The following PPM1E variants were observed in gnomAD, a reference collection of about 807,000 sequenced individuals.
PPM1E encodes the protein protein phosphatase 1E.
In PPM1E, 20 loss-of-function variants were observed where a neutral mutation model predicts 65.9. The observed-to-expected ratio is 0.30, with a 90% CI of 0.21 to 0.44. The LOEUF (loss-of-function observed/expected upper bound fraction) is 0.44. PPM1E is among the 20% of genes least tolerant of loss of function. The probability of loss-of-function intolerance (pLI) is 1.00; values close to 1 mark genes in which losing one functional copy is unlikely to be tolerated. For missense variants in PPM1E, 713 were observed against 953.1 expected (o/e 0.75, Z 3.32); for synonymous variants, 352 against 374.9 (o/e 0.94, Z 0.70).
intron 1 of PPM1E, among the ~76,000 whole-genome samples, chr17:58,792,486 G>A (rs1426766894): frequency 6.6e-6 from 1 of 150,668 alleles, no homozygotes; most frequent in Non-Finnish European, 1.5e-5. Flanking sequence ...GACTACAGGT[G>A]TGCACCACCA....
intron 1 of PPM1E, among the ~76,000 whole-genome samples, chr17:58,867,563 G>A (rs1045324509): frequency 6.6e-6 from 1 of 152,146 alleles, no homozygotes; most frequent in Non-Finnish European, 1.5e-5. Flanking sequence ...GATCTATCTG[G>A]ATTTTGACTG....
In PPM1E at chr17:58,980,283, C is replaced by T. The variant is rs746727705; in HGVS notation, c.1520C>T (p.Ser507Phe). 3 of 1,614,126 alleles carry T rather than the reference C, an allele frequency of 1.9e-6. No individual in the cohort carries two copies. The highest frequency in any genetic ancestry group is 2.5e-6 in the Non-Finnish European group (3 of 1,180,032). The change falls in exon 7 of 7, where the codon TCT (serine) becomes TTT (phenylalanine). Residue 507 changes from serine (S) to phenylalanine (F), a missense_variant. Physicochemically the swap from Ser to Phe is radical, Grantham distance 155. Transcript: ENST00000308249. This position sits in a 1 kb window ranked among gnomAD's most constrained non-coding sequence, Gnocchi z 4.7. ...GAGGAATCAGATTGGACAGAGAACT[C>T]TTTTCAAGGAGGGCAAGAAGATGGT... is the stretch of plus-strand genomic sequence containing the variant. ...VSEESDWTEN[S>F]FQGGQEDGGD...
intron 1 of PPM1E, among the ~76,000 whole-genome samples, chr17:58,909,890 T>C (rs1453707986): frequency 6.7e-6 from 1 of 149,584 alleles, no homozygotes; most frequent in African/African-American, 2.5e-5. Context: ...TAGTCATTTT[T>C]CTTTCTTTCT....
chr17:58,779,589 G>A (rs2050032026), intron 1 of PPM1E, among the ~76,000 whole-genome samples: 1 of 152,052 alleles, frequency 6.6e-6, no homozygotes. Context: ...AATGTCTCTT[G>A]TATGAATATT....
chr17:58,930,264 C>T (rs1255631912), intron 1 of PPM1E, among the ~76,000 whole-genome samples: 5 of 151,408 alleles, frequency 3.3e-5, no homozygotes, highest in African/African-American at 7.3e-5. Flanking sequence ...CACACACACA[C>T]ACACACACAC....
intron 1 of PPM1E, among the ~76,000 whole-genome samples, chr17:58,844,514 C>A (rs973315054): frequency 6.6e-6 from 1 of 152,076 alleles, no homozygotes; most frequent in Non-Finnish European, 1.5e-5. Context: ...CATCCTCCAG[C>A]CTCTTATTGA....
chr17:58,852,605 T>G (rs894367128), intron 1 of PPM1E, among the ~76,000 whole-genome samples: 7 of 145,744 alleles, frequency 4.8e-5, no homozygotes, highest in Admixed American at 4.7e-4. Context: ...TTTTTTGTTT[T>G]TTTTTGTTTT....
At chr17:58,900,814 C>T (rs2090122128) in intron 1 of PPM1E, among the ~76,000 whole-genome samples, 1 of 152,130 alleles carries the variant, frequency 6.6e-6, no homozygotes, top group African/African-American at 2.4e-5. Context: ...TGTAAATTTT[C>T]TCTAGTTATG....
At chr17:58,848,907 C>CT (rs2050797530) in intron 1 of PPM1E, among the ~76,000 whole-genome samples, 1 of 152,092 alleles carries the variant, frequency 6.6e-6, no homozygotes, top group Non-Finnish European at 1.5e-5. Flanking sequence ...TGGTCCTGGA[C>CT]TTTTTTTGGT....
At chr17:58,864,220 C>T (rs2050974474) in intron 1 of PPM1E, among the ~76,000 whole-genome samples, 1 of 152,070 alleles carries the variant, frequency 6.6e-6, no homozygotes, top group African/African-American at 2.4e-5. Flanking sequence ...ATATCTGCTG[C>T]CTGTATAAAT....
chr17:58,961,265 A>G (rs2030023000), intron 2 of PPM1E, among the ~76,000 whole-genome samples: 1 of 152,244 alleles, frequency 6.6e-6, no homozygotes, highest in Admixed American at 6.5e-5. Context: ...TAATTTATAT[A>G]ACAGTTTACA....
intron 1 of PPM1E, among the ~76,000 whole-genome samples, chr17:58,775,920 CAAAAAAAAAAAAAAAAAA>C (rs1158158641): frequency 1.9e-5 from 1 of 52,496 alleles, no homozygotes; most frequent in African/African-American, 9.5e-5. Context: ...GACTCCGTCT[CAAAAAAAAAAAAAAAAAA>C]AAAAAAAAAA....
At position 58,982,838 on chromosome 17, in the gene PPM1E, A is replaced by G. The variant is rs554157252; in HGVS notation, c.*1807A>G. ...ATCATTCTGAGGCTTTGCCCCACAC[A>G]TGGTCCTCACTCATATCTGTCACCT... On this transcript the variant is annotated 3_prime_UTR_variant, in exon 7 of 7. Transcript: ENST00000308249. The G allele has an allele frequency of 4.9e-6, 7 of 1,416,194 alleles. No homozygotes were observed. The highest frequency in any genetic ancestry group is 2.0e-5 in the Admixed American group (1 of 50,490). The allele number at this position is 1,416,194 out of a possible 1,614,324, so 87.7% of individuals were successfully genotyped here. A position where few individuals can be genotyped will look rare whatever the true frequency, so the allele number is the denominator to read the frequency against.
chr17:58,756,554 T>C, intron 1 of PPM1E, 93 bp downstream of exon 1: 1 of 1,218,410 alleles, frequency 8.2e-7, no homozygotes. Context: ...CTGCTCTCTT[T>C]TCTGCTCCTC....
At chr17:58,813,804 C>T (rs2050391617) in intron 1 of PPM1E, among the ~76,000 whole-genome samples, 1 of 152,052 alleles carries the variant, frequency 6.6e-6, no homozygotes, top group South Asian at 2.1e-4. Context: ...TTCCTCTTGC[C>T]TTTTTGAGAA....
chr17:58,821,209 C>T lies in PPM1E; in HGVS notation c.464+64748C>T, dbSNP rs1050853756. On this transcript the variant is annotated intron_variant, in intron 1 of 6. Transcript: ENST00000308249. ...CACTGCAAGCTCTGCCTCCCGGGTT[C>T]ACGCCATTCTCCTGCCTCAGCCTCC... 2.6e-5 allele frequency among the ~76,000 whole-genome samples: 4 copies of T among 152,124 alleles called. No individual in the cohort carries two copies. The South Asian group carries it at 8.3e-4, about 32-fold the overall frequency.
chr17:58,976,397 G>C (rs1398127279), intron 6 of PPM1E, among the ~76,000 whole-genome samples: 1 of 152,180 alleles, frequency 6.6e-6, no homozygotes, highest in African/African-American at 2.4e-5. Flanking sequence ...AGCTTAAGTG[G>C]ATGAGGGAGT....
chr17:58,825,265 A>ACACACAC (rs1555612293), intron 1 of PPM1E, among the ~76,000 whole-genome samples: 5 of 126,524 alleles, frequency 4.0e-5, no homozygotes, highest in South Asian at 4.9e-4. Flanking sequence ...CACACACACA[A>ACACACAC]AAATAAATAG....
At chr17:58,857,628 A>G (rs991071645) in intron 1 of PPM1E, among the ~76,000 whole-genome samples, 4 of 152,140 alleles carry the variant, frequency 2.6e-5, no homozygotes, top group Admixed American at 6.5e-5. Flanking sequence ...AATTTTTCCT[A>G]TAGGCTTAAC....
Sources: gnomAD v4.1 joint callset for allele counts (sites outside exome capture counted in the v4.1 genomes callset) on GRCh38, gnomAD v4.1.1 for gene constraint, Gnocchi (gnomAD v3.1) non-coding constraint, MANE v1.5 for transcripts, NCBI Gene and HGNC (gene_info 2026-07-23, HGNC 2026-07-21) for gene names.